The following FTSJ1 variants were observed in gnomAD, a reference collection of about 807,000 sequenced individuals.
FTSJ1 encodes the protein FtsJ RNA 2'-O-methyltransferase 1.
FTSJ1 carries 3 observed loss-of-function variants against 28.5 expected under a neutral mutation model. The ratio of observed to expected loss-of-function variants is 0.11; its 90% confidence interval spans 0.05 to 0.27. The LOEUF (loss-of-function observed/expected upper bound fraction) is 0.27. FTSJ1 is among the 10% of genes least tolerant of loss of function. The pLI is 1.00. For missense variants in FTSJ1, 162 were observed against 279.0 expected, an observed-to-expected ratio of 0.58 and a Z score of 2.99; for synonymous variants, 104 against 113.9, an observed-to-expected ratio of 0.91 and a Z score of 0.55.
At chrX:48,484,627 T>C (rs1260111704) in intron 12 of FTSJ1, among the ~76,000 whole-genome samples, 1 of 109,874 alleles carries the variant, frequency 9.1e-6, no homozygotes, top group Non-Finnish European at 1.9e-5. Flanking sequence ...CCTCACAAAA[T>C]CTGCCTGCCT....
Position 48,479,106 on chromosome X carries a change from G to A in FTSJ1, c.351G>A (p.Gly117=). 8.3e-7 allele frequency: 1 copy of A among 1,198,785 alleles called. No homozygotes were observed. The highest frequency in any genetic ancestry group is 3.0e-5 in the East Asian group (1 of 33,807). Residue 117 remains glycine, a synonymous_variant, in exon 5 of 13, where the codon GGG becomes GGA. Transcript: ENST00000348411. Reference sequence around the variant, plus strand: ...CTGCGGACCTAGTGGTGTGTGACGGGGCTCCTGATGGTAAATAGCAACAGA... The same window carrying A: ...CTGCGGACCTAGTGGTGTGTGACGGAGCTCCTGATGGTAAATAGCAACAGA... ...GCPADLVVCD[G]APDVTGLHDV...
intron 5 of FTSJ1, 64 bp from the exon 6 acceptor site, chrX:48,481,087 G>A (rs1452962368): frequency 1.0e-6 from 1 of 952,705 alleles, no homozygotes; most frequent in Non-Finnish European, 1.5e-6. Flanking sequence ...TGTCTGATCT[G>A]TGTGGTACAA....
intron 2 of FTSJ1, 131 bp from the exon 3 acceptor site, chrX:48,478,318 G>T: frequency 1.2e-6 from 1 of 842,486 alleles, no homozygotes; most frequent in African/African-American, 2.0e-5. Flanking sequence ...CAGAATACCG[G>T]AGAGGAGTTG....
At chrX:48,479,153 C>A in intron 5 of FTSJ1, 37 bp downstream of exon 5, 1 of 948,862 alleles carries the variant, frequency 1.1e-6, no homozygotes, top group Non-Finnish European at 1.5e-6. Flanking sequence ...CAGGCGGGGC[C>A]CCCTGTGTGT....
intron 12 of FTSJ1, chrX:48,483,351 A>C: frequency 3.3e-6 from 1 of 306,844 alleles, no homozygotes; most frequent in African/African-American, 2.7e-5. Context: ...TGTAAGTGCA[A>C]GAGTTTACAT....
At chrX:48,480,457 CAG>C (rs1332081234) in intron 5 of FTSJ1, among the ~76,000 whole-genome samples, 50 of 109,072 alleles carry the variant, frequency 4.6e-4, no homozygotes, top group Admixed American at 2.4e-3. Context: ...AGAGAGGTAA[CAG>C]GGGACAGATC....
chrX:48,480,418 AG>A (rs1399809802), intron 5 of FTSJ1, among the ~76,000 whole-genome samples: 6 of 110,094 alleles, frequency 5.4e-5, no homozygotes, highest in South Asian at 3.9e-4. Flanking sequence ...GAACAGAGTG[AG>A]GGGGGGAGAG....
In FTSJ1 at chrX:48,478,687, A is replaced by G. The variant is rs782778383; in HGVS notation, c.262A>G (p.Ile88Val). 1 of 1,201,207 alleles carries G rather than the reference A, an allele frequency of 8.3e-7. No individual in the cohort carries two copies. Among genetic ancestry groups the G allele is most frequent in the South Asian group, 1.8e-5 (1 of 56,301 alleles). Residue 88 changes from isoleucine (I) to valine (V), a missense_variant, in exon 4 of 13, where the codon ATC becomes GTC. Ile to Val is a conservative substitution (Grantham distance 29). Coordinates refer to ENST00000348411, the MANE Select transcript of FTSJ1 (RefSeq NM_012280.4). Reference protein sequence around the residue: ...AMAPLPGVVQIQGDITQLSTA... With the variant: ...AMAPLPGVVQVQGDITQLSTA... The stretch of plus-strand genomic sequence containing the variant: ...GGCTCCACTACCAGGTGTGGTACAG[A>G]TCCAGGGGGACATCACCCAGGTAAG...
rs2147095542 is a variant in FTSJ1 at position 48,481,426 on chromosome X, A to G, written c.469A>G (p.Ile157Val). The G allele has an allele frequency of 8.3e-7, 1 of 1,210,717 alleles. No individual in the cohort carries two copies. ...CTGTCTTTGCCTTCTCACCCTGCAG[A>G]TATTCCGAGGCCGGGATGTGACGCT... ...LKPGGCFVAK[I>V]FRGRDVTLLY... The change falls in exon 8 of 13, where the codon ATA becomes GTA. Residue 157 changes from isoleucine (I) to valine (V), a missense_variant and splice_region_variant. Ile to Val is a conservative substitution (Grantham distance 29). Transcript: ENST00000348411.
At position 48,481,642 on chromosome X, in the gene FTSJ1, T is replaced by C. The variant is rs2061569976; in HGVS notation, c.582T>C (p.Ala194=). 8.4e-7 allele frequency: 1 copy of C among 1,192,210 alleles called. No homozygotes were observed. The highest frequency in any genetic ancestry group is 1.8e-5 in the African/African-American group (1 of 57,019). Residue 194 remains alanine (A), a synonymous_variant, in exon 9 of 13, where the codon GCT becomes GCC. Transcript: ENST00000348411. Reference sequence around the variant, plus strand: ...ACCTTCCCCTGGCAGAGGCCTTCGCTGTCTGTCAGGGCTATGACCCTCCCG... The same window carrying C: ...ACCTTCCCCTGGCAGAGGCCTTCGCCGTCTGTCAGGGCTATGACCCTCCCG... The part of the protein sequence containing the change: ...SSRNSSIEAF[A]VCQGYDPPEG...
At chrX:48,481,058 G>GACA in intron 5 of FTSJ1, 93 bp from the exon 6 acceptor site, 1 of 802,872 alleles carries the variant, frequency 1.2e-6, no homozygotes, top group Non-Finnish European at 1.9e-6. Context: ...CAGTAAGACA[G>GACA]CCTGGAAAAT....
chrX:48,481,133 C>T lies in FTSJ1; in HGVS notation c.362-18C>T. On this transcript the variant is annotated intron_variant, in intron 5 of 12. Transcript: ENST00000348411. Reference sequence around the variant, plus strand: ...AGAGCCAGATGGGACCCCCCTAACGCTGTTCCTCTTGCCACAGTAACCGGT... The same window carrying T: ...AGAGCCAGATGGGACCCCCCTAACGTTGTTCCTCTTGCCACAGTAACCGGT... 8.3e-7 allele frequency: 1 copy of T among 1,202,457 alleles called. No homozygotes were observed. The highest frequency in any genetic ancestry group is 1.1e-6 in the Non-Finnish European group (1 of 887,330).
At chrX:48,477,566 A>G (rs1035272423) in intron 1 of FTSJ1, among the ~76,000 whole-genome samples, 3 of 111,327 alleles carry the variant, frequency 2.7e-5, no homozygotes, top group African/African-American at 9.8e-5. Flanking sequence ...ATAGGACTAT[A>G]TGAATCTAGG....
chrX:48,478,216 G>A, intron 2 of FTSJ1, 48 bp downstream of exon 2: 2 of 1,136,182 alleles, frequency 1.8e-6, no homozygotes, highest in South Asian at 3.8e-5. Flanking sequence ...GGGCACAGGA[G>A]GTAAACAAGT....
chrX:48,485,714 A>T (rs2061598556), intron 12 of FTSJ1, 22 bp from the exon 13 acceptor site: 1 of 112,046 alleles, frequency 8.9e-6, no homozygotes, highest in African/African-American at 3.2e-5. Flanking sequence ...AAACAAAAAA[A>T]CTTTCTTTGA....
chrX:48,482,315 G>A, intron 9 of FTSJ1, 88 bp from the exon 10 acceptor site: 2 of 573,290 alleles, frequency 3.5e-6, no homozygotes, highest in Non-Finnish European at 6.1e-6. Context: ...GATATGTGGG[G>A]AGGGTTTGGC....
intron 12 of FTSJ1, among the ~76,000 whole-genome samples, chrX:48,483,733 TC>T (rs2061584026): frequency 9.0e-6 from 1 of 110,921 alleles, no homozygotes; most frequent in Non-Finnish European, 1.9e-5. Context: ...CGATCTGCCA[TC>T]CTCGGCCTCC....
chrX:48,478,909 C>A, intron 4 of FTSJ1, 129 bp from the exon 5 acceptor site: 3 of 584,610 alleles, frequency 5.1e-6, no homozygotes, highest in Non-Finnish European at 5.8e-6. Context: ...AGAGGTGGAG[C>A]CCAGTCTTAG....
intron 1 of FTSJ1, chrX:48,476,660 A>G (rs929513843): frequency 7.6e-5 from 11 of 145,175 alleles, no homozygotes; most frequent in Non-Finnish European, 1.2e-4. Flanking sequence ...TGGAGCTATC[A>G]TCTTTGAGGT....
Sources: allele counts gnomAD v4.1 joint callset (sites outside exome capture counted in the v4.1 genomes callset), GRCh38; gene constraint gnomAD v4.1.1; transcripts MANE v1.5; gene names NCBI Gene and HGNC (gene_info 2026-07-23, HGNC 2026-07-21).